ARMH4: variants seen among roughly 807,000 people sequenced by gnomAD.
ARMH4 encodes armadillo-like helical domain-containing protein 4.
A neutral mutation model predicts 61.9 loss-of-function variants in ARMH4; 49 were observed. The observed-to-expected ratio is 0.79, with a 90% CI of 0.63 to 1.00. ARMH4 has a LOEUF of 1.00. ARMH4 is among the 50% of genes least tolerant of loss of function. ARMH4 has a pLI of 0.00. For missense variants in ARMH4, 934 were observed against 930.0 expected, an observed-to-expected ratio of 1.00 and a Z score of -0.06; for synonymous variants, 368 against 341.5, an observed-to-expected ratio of 1.08 and a Z score of -0.85.
chr14:58,149,814 T>C (rs1887863583), intron 1 of ARMH4, among the ~76,000 whole-genome samples: 1 of 152,214 alleles, frequency 6.6e-6, no homozygotes, highest in Non-Finnish European at 1.5e-5. Context: ...AAAGTGATAA[T>C]AGACATAAAA....
At chr14:58,123,060 G>A (rs555598309) in intron 4 of ARMH4, among the ~76,000 whole-genome samples, 2 of 152,194 alleles carry the variant, frequency 1.3e-5, no homozygotes, top group East Asian at 1.9e-4. Context: ...GTCACTATCC[G>A]AGGGGTCCTA....
intron 5 of ARMH4, among the ~76,000 whole-genome samples, chr14:58,086,221 C>T (rs896149506): frequency 6.6e-6 from 1 of 152,180 alleles, no homozygotes; most frequent in Non-Finnish European, 1.5e-5. Context: ...TGACTCAACG[C>T]TTCTAAGGTC....
chr14:58,147,770 A>C (rs1887783038), intron 1 of ARMH4, among the ~76,000 whole-genome samples: 1 of 152,232 alleles, frequency 6.6e-6, no homozygotes, highest in Non-Finnish European at 1.5e-5. Context: ...CACTTTTTAA[A>C]TGAGGAAAAC....
intron 4 of ARMH4, among the ~76,000 whole-genome samples, chr14:58,119,813 C>G (rs1235278443): frequency 2.0e-5 from 3 of 152,182 alleles, no homozygotes; most frequent in Admixed American, 2.0e-4. Context: ...AATAATTCAT[C>G]TAACCAGTGA....
chr14:58,105,072 AAAAT>A (rs1886125864), intron 4 of ARMH4, among the ~76,000 whole-genome samples: 1 of 149,642 alleles, frequency 6.7e-6, no homozygotes, highest in African/African-American at 2.4e-5. Flanking sequence ...AGTTACACCC[AAAAT>A]AAATAATGAT....
intron 5 of ARMH4, among the ~76,000 whole-genome samples, chr14:58,087,553 G>A (rs1193773908): frequency 6.6e-6 from 1 of 152,148 alleles, no homozygotes; most frequent in African/African-American, 2.4e-5. Context: ...AATTTAAAGG[G>A]AGGAGAAGGG....
At chr14:58,101,713 G>A (rs976821766) in intron 4 of ARMH4, 5 of 151,712 alleles carry the variant, frequency 3.3e-5, no homozygotes, top group East Asian at 3.9e-4. Flanking sequence ...TGCCCTGCCC[G>A]GTAGCATGAT....
At chr14:58,030,174 G>A (rs926895500) in intron 5 of ARMH4, among the ~76,000 whole-genome samples, 3 of 152,146 alleles carry the variant, frequency 2.0e-5, no homozygotes, top group Non-Finnish European at 4.4e-5. Context: ...CTGGGTGGGT[G>A]CCATAGAGAG....
At chr14:58,022,726 T>C (rs35705687) in intron 5 of ARMH4, among the ~76,000 whole-genome samples, 12,859 of 152,240 alleles carry the variant, frequency 0.084, 658 homozygotes, top group African/African-American at 0.14. Context: ...ACTAAGACAC[T>C]AATCTAATTC....
chr14:58,116,495 T>G (rs751656547), intron 4 of ARMH4: 13 of 261,986 alleles, frequency 5.0e-5, no homozygotes, highest in African/African-American at 2.9e-4. Flanking sequence ...GGCAACATGG[T>G]GAAACCCCGT....
chr14:58,090,553 G>A (rs1885521322), intron 5 of ARMH4, among the ~76,000 whole-genome samples: 1 of 151,996 alleles, frequency 6.6e-6, no homozygotes, highest in Admixed American at 6.6e-5. Flanking sequence ...AGTCTACTGG[G>A]GGATTCTCGA....
intron 5 of ARMH4, among the ~76,000 whole-genome samples, chr14:58,014,374 T>C (rs1882523264): frequency 6.6e-6 from 1 of 152,098 alleles, no homozygotes; most frequent in Admixed American, 6.5e-5. Flanking sequence ...GGTTAGTGAT[T>C]CTAGGAGTGG....
chr14:58,142,931 A>G (rs1375060627), intron 1 of ARMH4, among the ~76,000 whole-genome samples: 1 of 152,160 alleles, frequency 6.6e-6, no homozygotes, highest in Non-Finnish European at 1.5e-5. Flanking sequence ...AAAGGAATCC[A>G]TGGATTTAGA....
Position 58,139,288 on chromosome 14 carries a change from T to A in ARMH4, c.71A>T (p.Gln24Leu). 1 of 1,614,210 alleles carries A rather than the reference T, an allele frequency of 6.2e-7. No homozygotes were observed. The highest frequency in any genetic ancestry group is 8.5e-7 in the Non-Finnish European group (1 of 1,180,036). The change falls in exon 2 of 8, where the codon CAA becomes CTA. Residue 24 changes from glutamine to leucine, a missense_variant. Gln to Leu is a moderately radical substitution (Grantham distance 113, BLOSUM62 -2). Coordinates refer to ENST00000267485, the MANE Select transcript of ARMH4 (RefSeq NM_001001872.4). ...CSLLLFSVATQCLAFPKIERR... is the reference protein window; with the variant it reads ...CSLLLFSVATLCLAFPKIERR... ...TTCTATTTTGGGGAAGGCCAGACAT[T>A]GTGTGGCAACGCTGAAAAGCAGAAG...
intron 4 of ARMH4, among the ~76,000 whole-genome samples, chr14:58,111,173 GT>G (rs1182880226): frequency 6.6e-6 from 1 of 152,070 alleles, no homozygotes; most frequent in Non-Finnish European, 1.5e-5. Context: ...GAATGCTTTT[GT>G]CTCAAATTTT....
intron 5 of ARMH4, among the ~76,000 whole-genome samples, chr14:58,051,978 G>A (rs562591430): frequency 7.9e-5 from 12 of 152,198 alleles, no homozygotes; most frequent in Middle Eastern, 3.4e-3. Context: ...TCAACCTCTC[G>A]ATTCTGTTCC....
At chr14:58,133,880 T>A (rs1355559624) in intron 2 of ARMH4, among the ~76,000 whole-genome samples, 1 of 152,208 alleles carries the variant, frequency 6.6e-6, no homozygotes, top group East Asian at 1.9e-4. Context: ...TCCTCCCATA[T>A]GTACTACAGG....
chr14:58,096,513 GA>G (rs1378196645), intron 5 of ARMH4, among the ~76,000 whole-genome samples: 1 of 152,114 alleles, frequency 6.6e-6, no homozygotes, highest in African/African-American at 2.4e-5. Context: ...ACTCATCGAA[GA>G]AATAAGTGAT....
Position 58,047,917 on chromosome 14 carries a change from T to C in ARMH4, c.2090-35767A>G, listed in dbSNP as rs551799754. Among the ~76,000 whole-genome samples, 5 of 151,414 alleles carry C rather than the reference T, an allele frequency of 3.3e-5. No individual in the cohort carries two copies. In the East Asian group the frequency reaches 5.8e-4, roughly 18 times the overall value. On this transcript the variant is annotated intron_variant, in intron 5 of 7. Transcript: ENST00000267485. ...GCCAGGTAAAGTAGAAGGATCTGGG[T>C]AGATGGCAGAGAACAGAAACCAAGG...
Sources: gnomAD v4.1 joint callset for allele counts (sites outside exome capture counted in the v4.1 genomes callset) on GRCh38, gnomAD v4.1.1 for gene constraint, MANE v1.5 for transcripts, NCBI Gene and HGNC (gene_info 2026-07-23, HGNC 2026-07-21) for gene names.